Variants in NDRG3 observed in about 807,000 individuals in gnomAD.
NDRG3 encodes protein NDRG3.
Under a neutral mutation model 57.2 loss-of-function variants are expected in NDRG3, and 23 were observed. That is an observed-to-expected ratio of 0.40 (90% CI 0.29 to 0.57). The LOEUF (loss-of-function observed/expected upper bound fraction) is 0.57. Among genes scored for constraint, NDRG3 ranks in the 20% least tolerant of loss-of-function variants. The pLI is 0.42. For missense variants in NDRG3, 384 were observed against 457.3 expected, an observed-to-expected ratio of 0.84 and a Z score of 1.46; for synonymous variants, 132 against 162.6, an observed-to-expected ratio of 0.81 and a Z score of 1.43.
intron 3 of NDRG3, among the ~76,000 whole-genome samples, chr20:36,703,444 A>G (rs959753901): frequency 6.6e-6 from 1 of 151,278 alleles, no homozygotes; most frequent in East Asian, 1.9e-4. Context: ...CTATCTATCT[A>G]TCTATCTATC....
chr20:36,686,757 T>C (rs1489325328), intron 5 of NDRG3, among the ~76,000 whole-genome samples: 5 of 152,192 alleles, frequency 3.3e-5, no homozygotes, highest in Non-Finnish European at 5.9e-5. Flanking sequence ...GATAGTCAAA[T>C]TTCCATTACT....
At chr20:36,695,564 C>A (rs1270565104) in intron 3 of NDRG3, among the ~76,000 whole-genome samples, 1 of 152,164 alleles carries the variant, frequency 6.6e-6, no homozygotes, top group Non-Finnish European at 1.5e-5. Context: ...GGAGTGTCTG[C>A]CTTATGCAGT....
At position 36,664,131 on chromosome 20, in the gene NDRG3, C is replaced by A. The variant is rs114556853; in HGVS notation, c.810+915G>T. On this transcript the variant is annotated intron_variant, in intron 12 of 15. Transcript: ENST00000349004. ...AGTAACATTATTAATAATGCAAAAT[C>A]AGAATTAATATGAGAACAAAGTTAA... 4.6e-3 allele frequency among the ~76,000 whole-genome samples: 693 copies of A among 152,160 alleles called. 7 individuals are homozygous for A. The highest frequency in any genetic ancestry group is 0.016 in the African/African-American group (659 of 41,506).
intron 1 of NDRG3, among the ~76,000 whole-genome samples, chr20:36,733,159 AAAAAAAAAAAAAAT>A (rs1298029070): frequency 1.4e-3 from 66 of 46,924 alleles, no homozygotes; most frequent in African/African-American, 7.8e-3. Flanking sequence ...AAAAAAAAAA[AAAAAAAAAAAAAAT>A]ATATATATAT....
chr20:36,661,691 T>C (rs527326696), intron 12 of NDRG3, among the ~76,000 whole-genome samples: 36 of 152,156 alleles, frequency 2.4e-4, no homozygotes, highest in Non-Finnish European at 4.3e-4. Flanking sequence ...GGGCACAGGC[T>C]GGAGCTGACT....
chr20:36,656,554 A>G (rs1978692314), intron 13 of NDRG3, 22 bp from the exon 14 acceptor site: 2 of 1,613,982 alleles, frequency 1.2e-6, no homozygotes, highest in Non-Finnish European at 1.7e-6. Flanking sequence ...AAAATATGCA[A>G]GTCAGCTGGG....
At chr20:36,680,235 C>T (rs1446060507) in intron 8 of NDRG3, among the ~76,000 whole-genome samples, 12 of 151,556 alleles carry the variant, frequency 7.9e-5, no homozygotes, top group Admixed American at 7.9e-4. Context: ...GCCTGTAATC[C>T]CAGCAGTTTG....
intron 2 of NDRG3, among the ~76,000 whole-genome samples, chr20:36,714,442 T>TC (rs1457044312): frequency 6.7e-6 from 1 of 148,522 alleles, no homozygotes; most frequent in African/African-American, 2.5e-5. Flanking sequence ...ATCATTTTCT[T>TC]CTTTTTTTTT....
rs780059610 is a variant in NDRG3 at position 36,665,185 on chromosome 20, A to G, written c.758+51T>C. ...AATTAGTCTATGAAAGTCTATGAAC[A>G]CCAAATTAGTCTATATTTGGCAAGT... On this transcript the variant is annotated intron_variant, in intron 11 of 15. Coordinates refer to ENST00000349004, the MANE Select transcript of NDRG3 (RefSeq NM_032013.4). 5 of 1,603,764 alleles carry G rather than the reference A, an allele frequency of 3.1e-6. No individual in the cohort carries two copies. The Admixed American group carries it at 8.3e-5, about 27-fold the overall frequency.
At chr20:36,739,688 T>G (rs138674484) in intron 1 of NDRG3, among the ~76,000 whole-genome samples, 7 of 151,508 alleles carry the variant, frequency 4.6e-5, no homozygotes, top group Non-Finnish European at 8.8e-5. Context: ...TTTGGGAGGC[T>G]GAGGTGGGCG....
chr20:36,698,053 C>A (rs951680100), intron 3 of NDRG3, among the ~76,000 whole-genome samples: 2 of 149,998 alleles, frequency 1.3e-5, no homozygotes, highest in Non-Finnish European at 3.0e-5. Context: ...GCAACTTCCA[C>A]TTCCTGGGTT....
intron 13 of NDRG3, 42 bp from the exon 14 acceptor site, chr20:36,656,574 T>C: frequency 6.2e-7 from 1 of 1,611,498 alleles, no homozygotes; most frequent in Non-Finnish European, 8.5e-7. Flanking sequence ...GACTTACCCT[T>C]AAGAGAATTG....
At chr20:36,678,810 A>C (rs911007660) in intron 8 of NDRG3, among the ~76,000 whole-genome samples, 1 of 152,280 alleles carries the variant, frequency 6.6e-6, no homozygotes, top group African/African-American at 2.4e-5. Flanking sequence ...AACTAATATC[A>C]CAAATAAAAC....
intron 3 of NDRG3, among the ~76,000 whole-genome samples, chr20:36,702,752 G>A (rs1475701687): frequency 1.3e-5 from 2 of 151,170 alleles, no homozygotes; most frequent in East Asian, 3.9e-4. Context: ...GCAATGGTGC[G>A]ATCTCGGCTC....
At chr20:36,674,497 C>A (rs1157202580) in intron 8 of NDRG3, among the ~76,000 whole-genome samples, 1 of 151,912 alleles carries the variant, frequency 6.6e-6, no homozygotes, top group Admixed American at 6.6e-5. Context: ...GCCACCACGC[C>A]CAGCCCTCTT....
Position 36,693,117 on chromosome 20 carries a change from TATATATATATATATATATATATATAC to T in NDRG3, c.94-4359_94-4334del, listed in dbSNP as rs1312257588. Among the ~76,000 whole-genome samples the T allele has an allele frequency of 5.6e-3, 267 of 47,912 alleles. 7 individuals carry two copies. Among genetic ancestry groups the T allele is most frequent in the African/African-American group, 0.022 (245 of 11,358 alleles). The allele number at this position is 47,912 out of a possible 152,430, so 31.4% of individuals were successfully genotyped here. On this transcript the variant is annotated intron_variant, in intron 3 of 15. Transcript: ENST00000349004. The stretch of plus-strand genomic sequence containing the variant: ...AAAAAAAAAAAAAAATATATATATA[TATATATATATATATATATATATATAC>T]ACACACACACATATACACATATATA...
At chr20:36,656,329 G>A (rs748147153) in intron 15 of NDRG3, 31 bp downstream of exon 15, 14 of 1,604,120 alleles carry the variant, frequency 8.7e-6, no homozygotes, top group East Asian at 2.2e-5. Context: ...TTCCTAAATC[G>A]TTGCTAGATA....
intron 13 of NDRG3, among the ~76,000 whole-genome samples, chr20:36,660,069 A>G (rs544424182): frequency 7.9e-5 from 12 of 151,366 alleles, no homozygotes; most frequent in Admixed American, 6.6e-4. Context: ...TTAGCCGGGC[A>G]TGGTGGCACG....
At chr20:36,688,931 C>T (rs981185070) in intron 3 of NDRG3, 147 bp from the exon 4 acceptor site, 5 of 644,954 alleles carry the variant, frequency 7.8e-6, no homozygotes, top group South Asian at 3.6e-5. Context: ...TGGTGGTTCA[C>T]GCCTGTAATC....
Sources: gnomAD v4.1 joint callset for allele counts (sites outside exome capture counted in the v4.1 genomes callset) on GRCh38, gnomAD v4.1.1 for gene constraint, MANE v1.5 for transcripts, NCBI Gene and HGNC (gene_info 2026-07-23, HGNC 2026-07-21) for gene names.